Variants in PRKAG2 observed in about 807,000 individuals in gnomAD.
PRKAG2 encodes 5'-AMP-activated protein kinase subunit gamma-2.
Under a neutral mutation model 69.6 loss-of-function variants are expected in PRKAG2, and 26 were observed. That is an observed-to-expected ratio of 0.37 (90% CI 0.27 to 0.52). The LOEUF is 0.52. PRKAG2 is among the 20% of genes least tolerant of loss of function. PRKAG2 has a pLI of 0.90. For missense variants in PRKAG2, 557 were observed against 740.0 expected (o/e 0.75, Z 2.87); for synonymous variants, 293 against 285.0 (o/e 1.03, Z -0.28).
At position 151,828,108 on chromosome 7, in the gene PRKAG2, C is replaced by T. The variant is rs927902499; in HGVS notation, c.115-41567G>A. 1.7e-4 allele frequency among the ~76,000 whole-genome samples: 26 copies of T among 152,266 alleles called. No individual in the cohort carries two copies. Among genetic ancestry groups the T allele is most frequent in the African/African-American group, 6.3e-4 (26 of 41,482 alleles). ...GGGCCACCCATTCACCCAGCAAGCA[C>T]ACAGCAAACGCCTGCTACCCAGGGG... On this transcript the variant is annotated intron_variant, in intron 1 of 15. Transcript: ENST00000287878. This position sits in a 1 kb window ranked among gnomAD's most constrained non-coding sequence, Gnocchi z 4.6.
intron 6 of PRKAG2, among the ~76,000 whole-genome samples, chr7:151,589,268 C>A (rs1812453343): frequency 6.6e-6 from 1 of 152,204 alleles, no homozygotes; most frequent in African/African-American, 2.4e-5. Context: ...AATGAGCTTC[C>A]TCAAGCCCCA....
Position 151,876,545 on chromosome 7 carries a change from C to A in PRKAG2, c.76G>T (p.Ala26Ser). 1 of 1,609,534 alleles carries A rather than the reference C, an allele frequency of 6.2e-7. No individual in the cohort carries two copies. The highest frequency in any genetic ancestry group is 8.5e-7 in the Non-Finnish European group (1 of 1,179,948). ...SPGGSGGKKN[A>S]SQKRRSLRVH... ...CGCAGCGAACGCCTCTTCTGGCTGG[C>A]ATTTTTCTTGCCGCCGCTCCCGCCG... The change falls in exon 1 of 16, where the codon GCC (alanine) becomes TCC (serine). Residue 26 changes from alanine to serine, a missense_variant. Coordinates refer to ENST00000287878, the MANE Select transcript of PRKAG2 (RefSeq NM_016203.4).
intron 1 of PRKAG2, among the ~76,000 whole-genome samples, chr7:151,833,048 C>G (rs2079073457): frequency 6.6e-6 from 1 of 152,186 alleles, no homozygotes; most frequent in Admixed American, 6.5e-5. Flanking sequence ...GATTCAGGAA[C>G]AGAAAGACAG....
chr7:151,717,822 C>G (rs537919931), intron 3 of PRKAG2, among the ~76,000 whole-genome samples: 2 of 152,166 alleles, frequency 1.3e-5, no homozygotes, highest in Non-Finnish European at 2.9e-5. Flanking sequence ...GATGAGCCAC[C>G]CTGAGCCTTG....
At chr7:151,723,942 C>T (rs145237714) in intron 3 of PRKAG2, among the ~76,000 whole-genome samples, 35 of 152,290 alleles carry the variant, frequency 2.3e-4, no homozygotes, top group Admixed American at 3.3e-4. Context: ...TCCTCCACCT[C>T]GGCTTCTGAT....
intron 1 of PRKAG2, chr7:151,837,444 C>A (rs1452196648): frequency 1.3e-5 from 2 of 152,326 alleles, no homozygotes; most frequent in Non-Finnish European, 2.9e-5. Flanking sequence ...GGGGTGAATC[C>A]GGGCGACCCT....
At chr7:151,808,766 G>A (rs550268041) in intron 1 of PRKAG2, among the ~76,000 whole-genome samples, 7 of 152,104 alleles carry the variant, frequency 4.6e-5, no homozygotes, top group South Asian at 2.1e-4. Flanking sequence ...GGCGAACCAC[G>A]ACAGATGGCT....
At chr7:151,611,633 G>A (rs1282590047) in intron 5 of PRKAG2, among the ~76,000 whole-genome samples, 3 of 152,154 alleles carry the variant, frequency 2.0e-5, no homozygotes, top group African/African-American at 7.2e-5. Context: ...CATCCCACCA[G>A]GACAAGTGGC....
chr7:151,851,354 GA>G (rs374397756), intron 1 of PRKAG2, among the ~76,000 whole-genome samples: 19,530 of 144,540 alleles, frequency 0.14, 2,287 homozygotes, highest in East Asian at 0.4. Flanking sequence ...AAAAAAAAAA[GA>G]AAAAAAAAAA....
At position 151,571,610 on chromosome 7, in the gene PRKAG2, C is replaced by T. The variant is rs183839611; in HGVS notation, c.1051+1054G>A. 3.4e-4 allele frequency among the ~76,000 whole-genome samples: 52 copies of T among 152,202 alleles called. 1 individual carries two copies. Among genetic ancestry groups the T allele is most frequent in the Non-Finnish European group, 2.6e-4 (18 of 68,012 alleles). On this transcript the variant is annotated intron_variant, in intron 9 of 15. Coordinates refer to ENST00000287878, the MANE Select transcript of PRKAG2 (RefSeq NM_016203.4). Reference sequence around the variant, plus strand: ...TGTCAAAACGTAAACATACTTAAACCTTGGTCTATCAGTACTTGTACAGTA... The same window carrying T: ...TGTCAAAACGTAAACATACTTAAACTTTGGTCTATCAGTACTTGTACAGTA...
intron 5 of PRKAG2, among the ~76,000 whole-genome samples, chr7:151,620,340 ATTCT>A (rs1002778628): frequency 1.5e-4 from 21 of 144,776 alleles, no homozygotes; most frequent in Non-Finnish European, 2.4e-4. Flanking sequence ...TCTCTCTCTC[ATTCT>A]TTCTTTCTTT....
intron 1 of PRKAG2, among the ~76,000 whole-genome samples, chr7:151,818,195 T>C (rs77961133): frequency 0.026 from 4,003 of 152,206 alleles, 169 homozygotes; most frequent in African/African-American, 0.092. Flanking sequence ...AAATGGCAAA[T>C]GTGACAGGAA....
At chr7:151,764,489 C>T (rs2075620710) in intron 3 of PRKAG2, among the ~76,000 whole-genome samples, 1 of 152,200 alleles carries the variant, frequency 6.6e-6, no homozygotes, top group East Asian at 1.9e-4. Context: ...ACCTGCTACC[C>T]CCGCCCAGTA....
At chr7:151,582,799 G>C (rs73156302) in intron 6 of PRKAG2, among the ~76,000 whole-genome samples, 21,942 of 152,206 alleles carry the variant, frequency 0.14, 1,716 homozygotes, top group East Asian at 0.27. Context: ...TCCTTGGCCC[G>C]TGCCAGCTGT....
intron 3 of PRKAG2, among the ~76,000 whole-genome samples, chr7:151,689,658 G>A (rs545636370): frequency 2.0e-5 from 3 of 152,288 alleles, no homozygotes; most frequent in Admixed American, 1.3e-4. Context: ...GGCTGCAGCC[G>A]GTGGCAGACA....
intron 1 of PRKAG2, chr7:151,810,733 A>G (rs2151852430): frequency 6.5e-6 from 1 of 153,928 alleles, no homozygotes; most frequent in East Asian, 1.9e-4. Flanking sequence ...ATTACCAGGC[A>G]GATGGCAGAC....
chr7:151,782,609 T>C (rs929492774), intron 2 of PRKAG2, among the ~76,000 whole-genome samples: 1 of 152,222 alleles, frequency 6.6e-6, no homozygotes. Context: ...TCCTGCTGGA[T>C]GCGTGGAGGA....
intron 3 of PRKAG2, among the ~76,000 whole-genome samples, chr7:151,740,758 C>A (rs1014491626): frequency 6.6e-6 from 1 of 152,118 alleles, no homozygotes; most frequent in African/African-American, 2.4e-5. Flanking sequence ...TGGCCCTGCC[C>A]GGAGAAGGGG....
At chr7:151,854,371 C>T (rs953883653) in intron 1 of PRKAG2, among the ~76,000 whole-genome samples, 6 of 152,240 alleles carry the variant, frequency 3.9e-5, no homozygotes, top group African/African-American at 1.4e-4. Context: ...AGCACACGGA[C>T]CAGCTGGATG....
Sources: gnomAD v4.1 joint callset for allele counts (sites outside exome capture counted in the v4.1 genomes callset) on GRCh38, gnomAD v4.1.1 for gene constraint, Gnocchi (gnomAD v3.1) non-coding constraint, MANE v1.5 for transcripts, NCBI Gene and HGNC (gene_info 2026-07-23, HGNC 2026-07-21) for gene names.